Variants in TCF20 observed in about 807,000 individuals in gnomAD.
TCF20 encodes transcription factor 20, also known as SPRE-binding protein.
TCF20 carries 3 observed loss-of-function variants against 148.6 expected under a neutral mutation model. The ratio of observed to expected loss-of-function variants is 0.02; its 90% CI spans 0.01 to 0.05. The LOEUF (loss-of-function observed/expected upper bound fraction) is 0.05, where lower values mean the gene tolerates loss of function less well. Ranked by LOEUF, TCF20 falls within the 10% of genes least tolerant of loss-of-function variation. The pLI is 1.00. For synonymous variants in TCF20, 1,049 were observed against 909.5 expected, an observed-to-expected ratio of 1.15 and a Z score of -2.76; for missense variants, 2,350 against 2,429.3, an observed-to-expected ratio of 0.97 and a Z score of 0.69.
rs143055127 is a variant in TCF20 at position 42,198,158 on chromosome 22, T to C, written c.5655+11493A>G. On this transcript the variant is annotated intron_variant, in intron 2 of 5. Coordinates refer to ENST00000677622, the MANE Select transcript of TCF20 (RefSeq NM_001378418.1). Reference sequence around the variant, plus strand: ...TCACGCTAAACTAAGAAAAAAGAAATCACAGATTAGAATGAAAATTAAAAT... The same window carrying C: ...TCACGCTAAACTAAGAAAAAAGAAACCACAGATTAGAATGAAAATTAAAAT... Among the ~76,000 whole-genome samples the C allele has an allele frequency of 8.5e-4, 129 of 152,112 alleles. No homozygotes were observed. In the Middle Eastern group the frequency reaches 0.017, roughly 20 times the overall value.
At chr22:42,231,722 G>T (rs917585098) in intron 1 of TCF20, among the ~76,000 whole-genome samples, 26 of 152,080 alleles carry the variant, frequency 1.7e-4, no homozygotes, top group African/African-American at 5.6e-4. Context: ...AAGGTCAGCA[G>T]ATCAAGACCA....
At chr22:42,179,037 TAAA>T (rs60142024) in intron 3 of TCF20, among the ~76,000 whole-genome samples, 12 of 120,930 alleles carry the variant, frequency 9.9e-5, no homozygotes, top group East Asian at 2.2e-4. Flanking sequence ...TGGCTACAAT[TAAA>T]AAAAAAAAAA....
At chr22:42,272,295 G>A (rs1229750459), upstream of TCF20, among the ~76,000 whole-genome samples, 1 of 152,228 alleles carries the variant, frequency 6.6e-6, no homozygotes, top group African/African-American at 2.4e-5. Context: ...AAAGCTGGAA[G>A]AGGCACTCAG....
At chr22:42,208,648 T>C (rs1272041656) in intron 2 of TCF20, among the ~76,000 whole-genome samples, 1 of 151,866 alleles carries the variant, frequency 6.6e-6, no homozygotes, top group Non-Finnish European at 1.5e-5. Context: ...GATTAGATGA[T>C]AAAGCTGAAG....
intron 1 of TCF20, among the ~76,000 whole-genome samples, chr22:42,269,191 G>T (rs1926455302): frequency 6.6e-6 from 1 of 152,076 alleles, no homozygotes; most frequent in Admixed American, 6.5e-5. Flanking sequence ...TCTTCACTGA[G>T]GCTGTTAACA....
At chr22:42,171,224 G>A (rs897793855) in intron 3 of TCF20, among the ~76,000 whole-genome samples, 4 of 152,204 alleles carry the variant, frequency 2.6e-5, no homozygotes, top group African/African-American at 7.2e-5. Flanking sequence ...CAGGTCACTG[G>A]TGCAAAACGC....
chr22:42,228,631 C>T (rs1305806076), intron 1 of TCF20, among the ~76,000 whole-genome samples: 7 of 152,228 alleles, frequency 4.6e-5, no homozygotes, highest in Non-Finnish European at 1.0e-4. Flanking sequence ...TAAAGGGAAT[C>T]AAGAGTGCTT....
In TCF20 at chr22:42,210,924, G is replaced by C. The variant is rs1441517192; in HGVS notation, c.4382C>G (p.Pro1461Arg). ...TGAGGTTGTGGATGTCATGGCACCAGGGGGTTCCTTTCCGGCAGTAACTGT... is the reference window on the plus strand; with the variant it reads ...TGAGGTTGTGGATGTCATGGCACCACGGGGTTCCTTTCCGGCAGTAACTGT... ...AETVTAGKEP[P>R]GAMTSTTSQK... Residue 1461 changes from proline to arginine, a missense_variant, in exon 2 of 6, where the codon CCT (proline) becomes CGT (arginine). Physicochemically the swap from Pro to Arg is moderately radical, Grantham distance 103 (BLOSUM62 -2). Coordinates refer to ENST00000677622, the MANE Select transcript of TCF20 (RefSeq NM_001378418.1). The surrounding 1 kb of genome is among the most constrained non-coding windows in gnomAD (Gnocchi z 4.7). 2.5e-6 allele frequency: 4 copies of C among 1,614,046 alleles called. No individual in the cohort carries two copies. The Admixed American group carries it at 5.0e-5, about 20-fold the overall frequency.
rs1294447181 is a variant in TCF20, at chr22:42,261,517, TCA to T, written c.-37+8820_-37+8821del. ...ACTCTTACCTATGCCACAATCAAAC[TCA>T]CAGTCTTTCAGCTCTTCAAACATAT... On this transcript the variant is annotated intron_variant, in intron 1 of 5. Coordinates refer to ENST00000677622, the MANE Select transcript of TCF20 (RefSeq NM_001378418.1). Among the ~76,000 whole-genome samples the T allele has an allele frequency of 3.9e-5, 6 of 152,206 alleles. No homozygotes were observed. The South Asian group carries it at 6.2e-4, about 16-fold the overall frequency.
chr22:42,161,462 G>T, intron 5 of TCF20, 104 bp from the exon 6 acceptor site: 1 of 1,466,702 alleles, frequency 6.8e-7, no homozygotes. Flanking sequence ...CAGGGAGCCT[G>T]CACTCACGCC....
intron 1 of TCF20, among the ~76,000 whole-genome samples, chr22:42,295,056 C>T (rs1219885068): frequency 6.6e-6 from 1 of 152,216 alleles, no homozygotes; most frequent in East Asian, 1.9e-4. Flanking sequence ...GGCAAGGGAC[C>T]TGAAGACCCA....
At chr22:42,227,393 C>T (rs1244556143) in intron 1 of TCF20, among the ~76,000 whole-genome samples, 1 of 152,206 alleles carries the variant, frequency 6.6e-6, no homozygotes, top group Non-Finnish European at 1.5e-5. Flanking sequence ...ACCTCATTTG[C>T]TCCATTATCT....
intron 1 of TCF20, among the ~76,000 whole-genome samples, chr22:42,235,711 G>A (rs1923825116): frequency 6.6e-6 from 1 of 151,884 alleles, no homozygotes; most frequent in Non-Finnish European, 1.5e-5. Flanking sequence ...CTGTGACTTG[G>A]GCAAGTTATT....
intron 3 of TCF20, among the ~76,000 whole-genome samples, chr22:42,170,354 A>G (rs1041692828): frequency 6.8e-6 from 1 of 146,678 alleles, no homozygotes. Context: ...AAAAAAAAAT[A>G]CTGAAAGGCT....
At position 42,210,795 on chromosome 22, in the gene TCF20, G is replaced by A; in HGVS notation, c.4511C>T (p.Ala1504Val). ...SKNVPPVGIL[A>V]PEANPKAEEK... ...TTCAGCCTTGGGGTTTGCCTCAGGG[G>A]CCAATATGCCCACTGGAGGTACATT... The change falls in exon 2 of 6, where the codon GCC (alanine) becomes GTC (valine). Residue 1504 changes from alanine (A) to valine (V), a missense_variant. This residue lies in a region of TCF20 where 231 missense variants were observed against 213.7 expected (regional missense o/e 1.08). Transcript: ENST00000677622. This position sits in a 1 kb window ranked among gnomAD's most constrained non-coding sequence, Gnocchi z 4.7. 1 of 1,614,208 alleles carries A rather than the reference G, an allele frequency of 6.2e-7. No individual in the cohort carries two copies. Among genetic ancestry groups the A allele is most frequent in the African/African-American group, 1.3e-5 (1 of 75,034 alleles).
At chr22:42,265,067 G>A (rs532265114) in intron 1 of TCF20, among the ~76,000 whole-genome samples, 2 of 152,312 alleles carry the variant, frequency 1.3e-5, no homozygotes, top group African/African-American at 4.8e-5. Context: ...GGATATACCA[G>A]CTAACTCATG....
intron 1 of TCF20, among the ~76,000 whole-genome samples, chr22:42,266,962 G>A (rs1411809957): frequency 6.6e-6 from 1 of 151,658 alleles, no homozygotes; most frequent in Non-Finnish European, 1.5e-5. Flanking sequence ...ATACATGTGA[G>A]CATGATAACT....
intron 2 of TCF20, among the ~76,000 whole-genome samples, chr22:42,208,227 G>A (rs892026988): frequency 4.0e-5 from 6 of 151,854 alleles, no homozygotes; most frequent in Non-Finnish European, 8.8e-5. Context: ...CAAGAGAAAC[G>A]ATTATAGCCA....
chr22:42,256,271 A>G (rs1266273064), intron 1 of TCF20, among the ~76,000 whole-genome samples: 2 of 152,196 alleles, frequency 1.3e-5, no homozygotes. Flanking sequence ...CCTGAACTCT[A>G]AGGAAAAGTG....
Sources: gnomAD v4.1 joint callset for allele counts (sites outside exome capture counted in the v4.1 genomes callset) on GRCh38, gnomAD v4.1.1 for gene constraint, gnomAD v4.1.1 regional missense constraint, Gnocchi (gnomAD v3.1) non-coding constraint, MANE v1.5 for transcripts, NCBI Gene and HGNC (gene_info 2026-07-23, HGNC 2026-07-21) for gene names.